SLC25A21: variants seen among roughly 807,000 people sequenced by gnomAD.
SLC25A21 encodes the protein mitochondrial 2-oxodicarboxylate carrier.
In SLC25A21, 47 loss-of-function variants were observed where a neutral mutation model predicts 43.8. The observed-to-expected ratio is 1.07, with a 90% CI of 0.85 to 1.37. The LOEUF (loss-of-function observed/expected upper bound fraction) is 1.37, where lower values mean the gene tolerates loss of function less well. Among genes scored for constraint, SLC25A21 ranks in the 40% most tolerant of loss-of-function variants. SLC25A21 has a pLI of 0.00. For synonymous variants in SLC25A21, 131 were observed against 121.3 expected (o/e 1.08, Z -0.52); for missense variants, 352 against 350.2 (o/e 1.00, Z -0.04).
rs1486792805 is a variant in SLC25A21 at position 36,702,904 on chromosome 14, T to C, written c.603+8414A>G. 4.6e-5 allele frequency among the ~76,000 whole-genome samples: 7 copies of C among 152,340 alleles called. No individual in the cohort carries two copies. The East Asian group carries it at 1.2e-3, about 25-fold the overall frequency. On this transcript the variant is annotated intron_variant, in intron 7 of 9. Transcript: ENST00000331299. ...TTTGAACCCCTGGCTCTCTGCTCTC[T>C]GCCCTCTCCCATACCCCCTCCCCGC...
intron 7 of SLC25A21, among the ~76,000 whole-genome samples, chr14:36,698,270 GC>G (rs1433942702): frequency 2.0e-5 from 3 of 152,162 alleles, no homozygotes; most frequent in African/African-American, 7.2e-5. Flanking sequence ...GTAGGTTTCT[GC>G]CAAGAAATCT....
At chr14:36,976,991 T>C (rs1959889123) in intron 1 of SLC25A21, among the ~76,000 whole-genome samples, 2 of 152,336 alleles carry the variant, frequency 1.3e-5, no homozygotes, top group Admixed American at 1.3e-4. Flanking sequence ...GCAAATGCTA[T>C]TCAGGAAATG....
chr14:36,820,829 T>C (rs1258656281), intron 2 of SLC25A21, among the ~76,000 whole-genome samples: 1 of 152,208 alleles, frequency 6.6e-6, no homozygotes, highest in Non-Finnish European at 1.5e-5. Context: ...TCCGTGAATG[T>C]GCTATGAACA....
chr14:37,001,992 T>G (rs970322136), intron 1 of SLC25A21, among the ~76,000 whole-genome samples: 7 of 152,152 alleles, frequency 4.6e-5, no homozygotes, highest in African/African-American at 1.7e-4. Context: ...GAATAGTAAG[T>G]GATATAAAAT....
chr14:36,751,261 A>T (rs1282741695), intron 3 of SLC25A21, among the ~76,000 whole-genome samples: 1 of 152,248 alleles, frequency 6.6e-6, no homozygotes, highest in Non-Finnish European at 1.5e-5. Context: ...CATTCTGCTA[A>T]GACTCATGCA....
At chr14:37,156,673 G>A (rs1196955317) in intron 1 of SLC25A21, among the ~76,000 whole-genome samples, 3 of 152,024 alleles carry the variant, frequency 2.0e-5, no homozygotes, top group Non-Finnish European at 4.4e-5. Flanking sequence ...AAGAGTAAAA[G>A]AAAGACAAAG....
chr14:36,719,770 CACATTTTTTAAAA>C (rs1884301420), intron 6 of SLC25A21, among the ~76,000 whole-genome samples: 1 of 152,130 alleles, frequency 6.6e-6, no homozygotes, highest in Non-Finnish European at 1.5e-5. Flanking sequence ...ATTTTAAATT[CACATTTTTTAAAA>C]ACAGTTTATG....
At chr14:36,767,064 C>T (rs1886443790) in intron 3 of SLC25A21, among the ~76,000 whole-genome samples, 1 of 152,230 alleles carries the variant, frequency 6.6e-6, no homozygotes, top group East Asian at 1.9e-4. Context: ...TTGTGGAAAA[C>T]ACTAAAATGT....
intron 1 of SLC25A21, among the ~76,000 whole-genome samples, chr14:36,920,898 C>G (rs112213878): frequency 0.017 from 2,557 of 152,122 alleles, 52 homozygotes; most frequent in Middle Eastern, 0.037. Context: ...GGCACTAAAT[C>G]CAAAAGAAAT....
intron 1 of SLC25A21, among the ~76,000 whole-genome samples, chr14:36,974,706 G>A (rs12147878): frequency 0.09 from 13,736 of 152,024 alleles, 833 homozygotes; most frequent in Non-Finnish European, 0.14. Flanking sequence ...GGAAATTTTT[G>A]AGCCAAAAAG....
At chr14:36,962,903 C>G (rs1381092327) in intron 1 of SLC25A21, among the ~76,000 whole-genome samples, 1 of 152,090 alleles carries the variant, frequency 6.6e-6, no homozygotes, top group Admixed American at 6.6e-5. Flanking sequence ...CTTTCCTTTA[C>G]TCTAGAATTT....
intron 1 of SLC25A21, among the ~76,000 whole-genome samples, chr14:36,957,088 G>A: frequency 6.6e-6 from 1 of 152,202 alleles, no homozygotes; most frequent in Non-Finnish European, 1.5e-5. Context: ...TTGTCTATGA[G>A]CATCATAGAA....
chr14:37,098,286 T>C (rs1962740811), intron 1 of SLC25A21: 2 of 152,208 alleles, frequency 1.3e-5, no homozygotes, highest in African/African-American at 2.4e-5. Flanking sequence ...CAGCAGTGTA[T>C]AGAGTCCTAG....
chr14:36,874,123 AGAGT>A, intron 2 of SLC25A21, among the ~76,000 whole-genome samples: 1 of 152,192 alleles, frequency 6.6e-6, no homozygotes, highest in South Asian at 2.1e-4. Flanking sequence ...CTTTTTAGGT[AGAGT>A]AAGTAACACA....
intron 1 of SLC25A21, among the ~76,000 whole-genome samples, chr14:37,167,117 T>C (rs907039639): frequency 1.3e-5 from 2 of 152,150 alleles, no homozygotes; most frequent in South Asian, 2.1e-4. Context: ...CTGAACAAAA[T>C]GTGTAGGAGA....
intron 1 of SLC25A21, among the ~76,000 whole-genome samples, chr14:37,084,880 C>A (rs929363572): frequency 6.6e-6 from 1 of 152,176 alleles, no homozygotes; most frequent in East Asian, 1.9e-4. Flanking sequence ...CAGAAACAAA[C>A]CCCAACTTAA....
chr14:37,070,112 G>A (rs1279976827), intron 1 of SLC25A21, among the ~76,000 whole-genome samples: 1 of 152,144 alleles, frequency 6.6e-6, no homozygotes, highest in Non-Finnish European at 1.5e-5. Context: ...CCAGGATCCA[G>A]GGTTTTGTTT....
At position 36,891,222 on chromosome 14, in the gene SLC25A21, A is replaced by C. The variant is rs141202890; in HGVS notation, c.71-16218T>G. ...TGATGGATGAAAATTATAACTCTGAAAATCTCCCTTGGAATTCTACAGGGT... is the reference window on the plus strand; with the variant it reads ...TGATGGATGAAAATTATAACTCTGACAATCTCCCTTGGAATTCTACAGGGT... On this transcript the variant is annotated intron_variant, in intron 1 of 9. Transcript: ENST00000331299. Among the ~76,000 whole-genome samples, 489 of 152,304 alleles carry C rather than the reference A, an allele frequency of 3.2e-3. 4 individuals carry two copies. Among genetic ancestry groups the C allele is most frequent in the African/African-American group, 0.011 (459 of 41,572 alleles).
At chr14:37,057,842 G>C (rs780883386) in intron 1 of SLC25A21, among the ~76,000 whole-genome samples, 1 of 152,092 alleles carries the variant, frequency 6.6e-6, no homozygotes, top group Non-Finnish European at 1.5e-5. Flanking sequence ...TTAAGATCTA[G>C]AACACTAACA....
Sources: allele counts gnomAD v4.1 joint callset (sites outside exome capture counted in the v4.1 genomes callset), GRCh38; gene constraint gnomAD v4.1.1; transcripts MANE v1.5; gene names NCBI Gene and HGNC (gene_info 2026-07-23, HGNC 2026-07-21).